RBBP6: variants seen among roughly 807,000 people sequenced by gnomAD.
RBBP6 encodes the protein E3 ubiquitin-protein ligase RBBP6.
Under a neutral mutation model 167.7 loss-of-function variants are expected in RBBP6, and 25 were observed. The observed-to-expected ratio is 0.15, with a 90% CI of 0.11 to 0.21. The LOEUF is 0.21. RBBP6 is among the 10% of genes least tolerant of loss of function. The pLI, the probability that RBBP6 is intolerant of heterozygous loss-of-function variation, is 1.00. For missense variants in RBBP6, 1,868 were observed against 2,134.2 expected, an observed-to-expected ratio of 0.88 and a Z score of 2.46; for synonymous variants, 789 against 735.8, an observed-to-expected ratio of 1.07 and a Z score of -1.17.
chr16:24,553,585 T>C, intron 4 of RBBP6, 28 bp downstream of exon 4: 1 of 1,511,852 alleles, frequency 6.6e-7, no homozygotes, highest in South Asian at 1.3e-5. Flanking sequence ...TTCTTGAAAA[T>C]ATAAGTTTTT....
At position 24,568,915 on chromosome 16, in the gene RBBP6, G is replaced by A. The variant is rs146436815; in HGVS notation, c.2225G>A (p.Arg742His). 1.5e-5 allele frequency: 25 copies of A among 1,614,070 alleles called. No homozygotes were observed. The highest frequency in any genetic ancestry group is 3.3e-5 in the South Asian group (3 of 91,078). ...PYPRRGRGKS[R>H]NYRSRSRSHG... ...CCCAGAAGAGGCAGAGGCAAGAGCC[G>A]CAATTACCGTTCACGGTCTAGATCT... The change falls in exon 17 of 18, where the codon CGC (arginine) becomes CAC (histidine). Residue 742 changes from arginine (R) to histidine (H), a missense_variant. Coordinates refer to ENST00000319715, the MANE Select transcript of RBBP6 (RefSeq NM_006910.5).
chr16:24,550,738 CT>C (rs879384956), intron 3 of RBBP6, among the ~76,000 whole-genome samples: 6 of 145,220 alleles, frequency 4.1e-5, no homozygotes, highest in East Asian at 2.0e-4. Flanking sequence ...CTTTTCTTTT[CT>C]TTTTTTTTTA....
chr16:24,551,807 G>A (rs1466788788), intron 3 of RBBP6, among the ~76,000 whole-genome samples: 1 of 151,524 alleles, frequency 6.6e-6, no homozygotes, highest in African/African-American at 2.4e-5. Flanking sequence ...AAGACTATTT[G>A]TTTTATTGGT....
chr16:24,563,029 T>A (rs1286841779), intron 10 of RBBP6, among the ~76,000 whole-genome samples, 170 bp from the exon 11 acceptor site: 1 of 152,216 alleles, frequency 6.6e-6, no homozygotes, highest in Admixed American at 6.5e-5. Context: ...TTACTACATA[T>A]AGAGAACTCT....
In RBBP6 at chr16:24,569,964, C is replaced by G. The variant is rs771853085; in HGVS notation, c.3274C>G (p.His1092Asp). The G allele has an allele frequency of 5.0e-6, 8 of 1,594,384 alleles. No homozygotes were observed. The highest frequency in any genetic ancestry group is 6.8e-6 in the Non-Finnish European group (8 of 1,175,400). ...EKITGTPRKA[H>D]SKSAKEHQET... The stretch of plus-strand genomic sequence containing the variant: ...AATCACTGGAACCCCCAGAAAAGCT[C>G]ACTCTAAATCAGCAAAAGAACACCA... Residue 1092 changes from histidine to aspartate, a missense_variant, in exon 17 of 18, where the codon CAC (histidine) becomes GAC (aspartate). Physicochemically the swap from His to Asp is moderately conservative, Grantham distance 81 (BLOSUM62 -1). Around this residue, in one of 7 missense-constraint regions of RBBP6, gnomAD observed 673 missense variants for 691.5 expected, o/e 0.97. Coordinates refer to ENST00000319715, the MANE Select transcript of RBBP6 (RefSeq NM_006910.5).
intron 3 of RBBP6, among the ~76,000 whole-genome samples, chr16:24,549,661 G>T (rs1016239700): frequency 2.0e-5 from 3 of 151,758 alleles, no homozygotes; most frequent in Admixed American, 2.0e-4. Flanking sequence ...TGAACCTGGG[G>T]CCCCCTATGA....
intron 3 of RBBP6, 194 bp downstream of exon 3, chr16:24,549,175 G>A: frequency 1.4e-6 from 2 of 1,433,732 alleles, no homozygotes; most frequent in Non-Finnish European, 9.1e-7. Context: ...TTGTAGAAAT[G>A]GGTAATTTGT....
intron 1 of RBBP6, among the ~76,000 whole-genome samples, chr16:24,543,294 T>C (rs1044826980): frequency 5.0e-5 from 5 of 99,470 alleles, no homozygotes; most frequent in African/African-American, 1.9e-4. Flanking sequence ...CCTTAAATCT[T>C]TTTTTTTTTT....
At position 24,547,400 on chromosome 16, in the gene RBBP6, TCTTAA is replaced by T. The variant is rs774834306; in HGVS notation, c.266+1142_266+1146del. On this transcript the variant is annotated intron_variant, in intron 2 of 17. Coordinates refer to ENST00000319715, the MANE Select transcript of RBBP6 (RefSeq NM_006910.5). Reference sequence around the variant, plus strand: ...CAAGTGAACTTTTAATGGTGTGTGTTCTTAACTTTAAATGATTCTAAGAATTATAT... The same window carrying T: ...CAAGTGAACTTTTAATGGTGTGTGTTCTTTAAATGATTCTAAGAATTATAT... 7.2e-5 allele frequency among the ~76,000 whole-genome samples: 11 copies of T among 152,310 alleles called. No homozygotes were observed. In the South Asian group the frequency reaches 1.2e-3, roughly 17 times the overall value.
intron 2 of RBBP6, among the ~76,000 whole-genome samples, chr16:24,548,501 T>C (rs1898718035): frequency 6.6e-6 from 1 of 152,132 alleles, no homozygotes; most frequent in African/African-American, 2.4e-5. Flanking sequence ...AAAATTAGTT[T>C]TGGGAGCACA....
At chr16:24,544,510 C>T (rs975279624) in intron 1 of RBBP6, among the ~76,000 whole-genome samples, 3 of 152,098 alleles carry the variant, frequency 2.0e-5, no homozygotes, top group African/African-American at 7.2e-5. Flanking sequence ...CCGAATATGC[C>T]TACATATGTG....
At chr16:24,557,736 AATAC>A (rs528879835) in intron 7 of RBBP6, among the ~76,000 whole-genome samples, 48 of 152,332 alleles carry the variant, frequency 3.2e-4, no homozygotes, top group South Asian at 1.7e-3. Context: ...TCAGTGAAAA[AATAC>A]ATACATATAT....
intron 1 of RBBP6, among the ~76,000 whole-genome samples, chr16:24,544,685 T>A (rs1202550552): frequency 6.6e-6 from 1 of 152,198 alleles, no homozygotes. Flanking sequence ...TTTTACAGAT[T>A]CTTTCTGTAG....
rs1898457934 is a variant in RBBP6 at position 24,540,485 on chromosome 16, G to A, written c.-142G>A. On this transcript the variant is annotated 5_prime_UTR_variant, in exon 1 of 18. Coordinates refer to ENST00000319715, the MANE Select transcript of RBBP6 (RefSeq NM_006910.5). Reference sequence around the variant, plus strand: ...CTGACGAACCCCTGCTTGTGGTTGGGGGGTATTTAATCTGAGGCCTTAGGG... The same window carrying A: ...CTGACGAACCCCTGCTTGTGGTTGGAGGGTATTTAATCTGAGGCCTTAGGG... 2.8e-6 allele frequency: 2 copies of A among 713,200 alleles called. No homozygotes were observed. The highest frequency in any genetic ancestry group is 2.3e-5 in the South Asian group (1 of 43,452). 44.2% of individuals were successfully genotyped at this position (713,200 alleles called of 1,614,324 possible). A position where few individuals can be genotyped will look rare whatever the true frequency, so the allele number is the denominator to read the frequency against.
At chr16:24,568,617 A>G in intron 16 of RBBP6, 128 bp from the exon 17 acceptor site, 4 of 1,326,884 alleles carry the variant, frequency 3.0e-6, no homozygotes, top group East Asian at 5.0e-5. Context: ...TGCCTCTTTA[A>G]TCATCTAAGA....
chr16:24,563,509 A>G lies in RBBP6; in HGVS notation c.1465+8A>G. On this transcript the variant is annotated splice_region_variant and intron_variant, in intron 12 of 17. Coordinates refer to ENST00000319715, the MANE Select transcript of RBBP6 (RefSeq NM_006910.5). ...AGTTGATCCCCACAACTGGTGAGTA[A>G]GATCACTTTGGTTTAGACCTTTTTC... 2 of 1,613,184 alleles carry G rather than the reference A, an allele frequency of 1.2e-6. No homozygotes were observed. The highest frequency in any genetic ancestry group is 1.7e-4 in the Middle Eastern group (1 of 6,056).
chr16:24,562,245 T>A (rs1290948302), intron 10 of RBBP6, 84 bp downstream of exon 10: 1 of 1,263,802 alleles, frequency 7.9e-7, no homozygotes, highest in Non-Finnish European at 1.1e-6. Context: ...TTTTAACAGC[T>A]TTCTTAGTGG....
rs754054155 is a variant in RBBP6, at chr16:24,572,118, G to A, written c.5052G>A (p.Gln1684=). ...KESLDTAAVV[Q]VGISRNQSHS... is the part of the protein sequence containing the mutation. ...GCCTGGACACAGCAGCAGTTGTCCA[G>A]GTGGGCATAAGCAGGAATCAGAGCC... The change falls in exon 18 of 18, where the codon CAG becomes CAA. Residue 1684 remains glutamine (Q), a synonymous_variant. Coordinates refer to ENST00000319715, the MANE Select transcript of RBBP6 (RefSeq NM_006910.5). 1.9e-6 allele frequency: 3 copies of A among 1,614,032 alleles called. No homozygotes were observed. In the African/African-American group the frequency reaches 4.0e-5, roughly 22 times the overall value.
intron 1 of RBBP6, among the ~76,000 whole-genome samples, chr16:24,541,828 A>AT (rs907602954): frequency 6.6e-6 from 1 of 152,148 alleles, no homozygotes; most frequent in Admixed American, 6.5e-5. Context: ...AGGTTAGGGT[A>AT]TTTTTTTAGT....
Sources: gnomAD v4.1 joint callset for allele counts (sites outside exome capture counted in the v4.1 genomes callset) on GRCh38, gnomAD v4.1.1 for gene constraint, gnomAD v4.1.1 regional missense constraint, MANE v1.5 for transcripts, NCBI Gene and HGNC (gene_info 2026-07-23, HGNC 2026-07-21) for gene names.